Variants in EPHA6 observed in about 807,000 individuals in gnomAD.
The protein encoded by EPHA6 is ephrin type-A receptor 6.
In EPHA6, 50 loss-of-function variants were observed where a neutral mutation model predicts 112.0. The observed-to-expected ratio is 0.45, with a 90% CI of 0.36 to 0.56. The LOEUF (loss-of-function observed/expected upper bound fraction) is 0.56, where lower values mean the gene tolerates loss of function less well. Ranked by LOEUF, EPHA6 falls within the 20% of genes least tolerant of loss-of-function variation. The probability of loss-of-function intolerance (pLI) is 0.00; values close to 1 mark genes in which losing one functional copy is unlikely to be tolerated. For synonymous variants in EPHA6, 529 were observed against 490.7 expected (o/e 1.08, Z -1.03); for missense variants, 1,280 against 1,417.4 (o/e 0.90, Z 1.56).
At chr3:97,583,342 A>G (rs1182676729) in intron 11 of EPHA6, among the ~76,000 whole-genome samples, 2 of 151,936 alleles carry the variant, frequency 1.3e-5, no homozygotes, top group African/African-American at 2.4e-5. Flanking sequence ...GATCGAGACC[A>G]TCCTGGCTAA....
intron 3 of EPHA6, among the ~76,000 whole-genome samples, chr3:97,096,272 C>T (rs1357877755): frequency 2.8e-5 from 4 of 141,588 alleles, no homozygotes; most frequent in African/African-American, 1.2e-4. Flanking sequence ...CACACATACA[C>T]ACCCACACAC....
Position 97,729,413 on chromosome 3 carries a change from G to C in EPHA6, c.2935-6512G>C, listed in dbSNP as rs757751221. Among the ~76,000 whole-genome samples, 89 of 152,094 alleles carry C rather than the reference G, an allele frequency of 5.9e-4. 2 individuals are homozygous for C. The highest frequency in any genetic ancestry group is 3.8e-4 in the Non-Finnish European group (26 of 68,000). Reference sequence around the variant, plus strand: ...CACAATCATGGTAGAAGACAAAAAGGAGTGAAGGCATGTCTTACGTGGTGG... The same window carrying C: ...CACAATCATGGTAGAAGACAAAAAGCAGTGAAGGCATGTCTTACGTGGTGG... On this transcript the variant is annotated intron_variant, in intron 15 of 17. Coordinates refer to ENST00000389672, the MANE Select transcript of EPHA6 (RefSeq NM_001080448.3).
intron 2 of EPHA6, among the ~76,000 whole-genome samples, chr3:96,912,109 C>T (rs111633771): frequency 0.01 from 1,584 of 152,092 alleles, 26 homozygotes; most frequent in African/African-American, 0.036. Context: ...AGTTTCTGTT[C>T]GTTTTAAATT....
intron 11 of EPHA6, among the ~76,000 whole-genome samples, chr3:97,541,127 A>T (rs1484008878): frequency 2.0e-5 from 3 of 147,338 alleles, no homozygotes; most frequent in Non-Finnish European, 4.4e-5. Context: ...ATTTCTAGTT[A>T]AAAAAAATCC....
At chr3:97,145,056 GTATT>G (rs1376995321) in intron 3 of EPHA6, among the ~76,000 whole-genome samples, 1 of 151,270 alleles carries the variant, frequency 6.6e-6, no homozygotes, top group Non-Finnish European at 1.5e-5. Flanking sequence ...TAGAATATAA[GTATT>G]TAAACTCTTT....
At chr3:97,665,727 T>C (rs1350936025) in intron 14 of EPHA6, among the ~76,000 whole-genome samples, 1 of 152,222 alleles carries the variant, frequency 6.6e-6, no homozygotes, top group Admixed American at 6.5e-5. Flanking sequence ...TTTCTTCACC[T>C]GTCTTCCCAG....
chr3:97,520,376 A>C (rs2092521353), intron 10 of EPHA6, among the ~76,000 whole-genome samples: 1 of 152,062 alleles, frequency 6.6e-6, no homozygotes, highest in Non-Finnish European at 1.5e-5. Context: ...ACCTTCCTTA[A>C]CTATTGCTTC....
At chr3:96,821,711 A>C (rs2107221968) in intron 1 of EPHA6, among the ~76,000 whole-genome samples, 1 of 152,026 alleles carries the variant, frequency 6.6e-6, no homozygotes, top group East Asian at 1.9e-4. Flanking sequence ...GTTATATGAC[A>C]GTGTATACCA....
intron 11 of EPHA6, among the ~76,000 whole-genome samples, chr3:97,543,759 CTT>C (rs1180152054): frequency 6.6e-6 from 1 of 151,934 alleles, no homozygotes; most frequent in Non-Finnish European, 1.5e-5. Context: ...TTTGTCTCCT[CTT>C]TTATTTCCTT....
intron 3 of EPHA6, among the ~76,000 whole-genome samples, chr3:97,163,169 G>T (rs2076457407): frequency 6.6e-6 from 1 of 152,108 alleles, no homozygotes; most frequent in South Asian, 2.1e-4. Flanking sequence ...GGGTTCTACT[G>T]AAATGACATT....
At chr3:97,735,576 T>C (rs2035218586) in intron 15 of EPHA6, among the ~76,000 whole-genome samples, 1 of 152,090 alleles carries the variant, frequency 6.6e-6, no homozygotes, top group Non-Finnish European at 1.5e-5. Flanking sequence ...TTATTTGCAC[T>C]AAATGCATCA....
At chr3:97,583,938 A>G (rs1489582890) in intron 11 of EPHA6, among the ~76,000 whole-genome samples, 2 of 152,296 alleles carry the variant, frequency 1.3e-5, no homozygotes, top group East Asian at 1.9e-4. Flanking sequence ...CGACCCTTCC[A>G]TCACTTCTTA....
intron 6 of EPHA6, among the ~76,000 whole-genome samples, chr3:97,412,571 G>GA (rs1415898428): frequency 1.3e-5 from 2 of 151,866 alleles, no homozygotes; most frequent in African/African-American, 2.4e-5. Context: ...CAAGGTGATA[G>GA]AAAAAATCAA....
intron 5 of EPHA6, among the ~76,000 whole-genome samples, chr3:97,271,504 C>T (rs530469516): frequency 6.6e-6 from 1 of 152,266 alleles, no homozygotes; most frequent in Non-Finnish European, 1.5e-5. Flanking sequence ...ATTACAGGCA[C>T]GCACCACCAT....
intron 3 of EPHA6, among the ~76,000 whole-genome samples, chr3:97,092,987 A>G (rs2047121447): frequency 6.6e-6 from 1 of 152,076 alleles, no homozygotes; most frequent in Non-Finnish European, 1.5e-5. Flanking sequence ...TCTCAAATCC[A>G]CTTGGTGGGT....
intron 10 of EPHA6, among the ~76,000 whole-genome samples, chr3:97,515,821 C>T (rs1379959912): frequency 1.3e-5 from 2 of 151,900 alleles, no homozygotes; most frequent in Admixed American, 6.6e-5. Context: ...AGAATAAAAA[C>T]TTGTTCAAAA....
At chr3:97,356,174 C>G (rs1190174146) in intron 5 of EPHA6, among the ~76,000 whole-genome samples, 1 of 152,116 alleles carries the variant, frequency 6.6e-6, no homozygotes, top group African/African-American at 2.4e-5. Context: ...TACAAGGGAT[C>G]GAGGTCACAA....
chr3:97,093,543 C>T (rs2047139452), intron 3 of EPHA6, among the ~76,000 whole-genome samples: 1 of 151,678 alleles, frequency 6.6e-6, no homozygotes, highest in Admixed American at 6.6e-5. Flanking sequence ...CAGGAAGACT[C>T]CGTCTCAAAA....
chr3:97,022,856 T>A (rs1338485160), intron 3 of EPHA6, among the ~76,000 whole-genome samples: 1 of 152,208 alleles, frequency 6.6e-6, no homozygotes, highest in Non-Finnish European at 1.5e-5. Context: ...GATCCTAGCA[T>A]ACCTTTTCTT....
Sources: allele counts gnomAD v4.1 joint callset (sites outside exome capture counted in the v4.1 genomes callset), GRCh38; gene constraint gnomAD v4.1.1; transcripts MANE v1.5; gene names NCBI Gene and HGNC (gene_info 2026-07-23, HGNC 2026-07-21).